Variants in TSPAN15 observed in about 807,000 individuals in gnomAD.
TSPAN15 encodes tetraspanin 15.
In TSPAN15, 20 loss-of-function variants were observed where a neutral mutation model predicts 34.5. The ratio of observed to expected loss-of-function variants is 0.58; its 90% confidence interval spans 0.41 to 0.84. The LOEUF is 0.84. TSPAN15 is among the 40% of genes least tolerant of loss of function. TSPAN15 has a pLI of 0.00. For synonymous variants in TSPAN15, 155 were observed against 153.9 expected (o/e 1.01, Z -0.05); for missense variants, 313 against 386.1 (o/e 0.81, Z 1.59).
the TSPAN15 span, among the ~76,000 whole-genome samples, chr10:69,548,260 G>A: frequency 6.6e-6 from 1 of 152,226 alleles, no homozygotes; most frequent in East Asian, 1.9e-4. Context: ...TGGTGTTGTA[G>A]CTAGATGATC....
At chr10:69,470,216 G>T (rs1841475336) in intron 1 of TSPAN15, among the ~76,000 whole-genome samples, 1 of 152,122 alleles carries the variant, frequency 6.6e-6, no homozygotes, top group Non-Finnish European at 1.5e-5. Flanking sequence ...TCCTGCAGGA[G>T]CATTTCACAG....
In TSPAN15 at chr10:69,451,687, C is replaced by G; in HGVS notation, c.93C>G (p.Phe31Leu). Residue 31 changes from phenylalanine (F) to leucine (L), a missense_variant, in exon 1 of 8, where the codon TTC becomes TTG. By Grantham distance (22) the Phe-to-Leu change is conservative (BLOSUM62 0). Coordinates refer to ENST00000373290, the MANE Select transcript of TSPAN15 (RefSeq NM_012339.5). ...CACTTATCATCTATTCCACCGTGTT[C>G]TGGGTGAGTGACCCCAGTAGGGCCC... ...KFSLIIYSTV[F>L]WLIGALVLSV... is the part of the protein sequence containing the mutation. The G allele has an allele frequency of 6.6e-7, 1 of 1,517,054 alleles. No individual in the cohort carries two copies. The highest frequency in any genetic ancestry group is 8.8e-7 in the Non-Finnish European group (1 of 1,130,136). 94.0% of individuals were successfully genotyped at this position (1,517,054 alleles called of 1,614,324 possible). A position where few individuals can be genotyped will look rare whatever the true frequency, so the allele number is the denominator to read the frequency against.
chr10:69,545,777 A>C, the TSPAN15 span, among the ~76,000 whole-genome samples: 1 of 152,062 alleles, frequency 6.6e-6, no homozygotes, highest in East Asian at 1.9e-4. Flanking sequence ...CAACATGGTG[A>C]AACCTCGTCT....
At chr10:69,465,760 G>C (rs1173518758) in intron 1 of TSPAN15, among the ~76,000 whole-genome samples, 1 of 152,196 alleles carries the variant, frequency 6.6e-6, no homozygotes, top group East Asian at 1.9e-4. Flanking sequence ...TTCTTTCTTG[G>C]AAGAACTTTT....
chr10:69,502,125 A>C (rs1188712033), intron 5 of TSPAN15, among the ~76,000 whole-genome samples: 2 of 151,408 alleles, frequency 1.3e-5, no homozygotes, highest in African/African-American at 4.8e-5. Context: ...GTTCAGCAGA[A>C]CATACCAGCA....
downstream of TSPAN15, among the ~76,000 whole-genome samples, chr10:69,507,974 C>G (rs567440304): frequency 2.6e-5 from 4 of 152,246 alleles, no homozygotes; most frequent in South Asian, 8.3e-4. Context: ...CTACCGCGCT[C>G]CCTGCAGCCC....
rs1383562883 is a variant in TSPAN15, at chr10:69,498,370, C to T, written c.544C>T (p.Pro182Ser). The T allele has an allele frequency of 6.2e-7, 1 of 1,613,736 alleles. No homozygotes were observed. Among genetic ancestry groups the T allele is most frequent in the East Asian group, 2.2e-5 (1 of 44,874 alleles). The change falls in exon 5 of 8, where the codon CCC (proline) becomes TCC (serine). Residue 182 changes from proline (P) to serine (S), a missense_variant. Coordinates refer to ENST00000373290, the MANE Select transcript of TSPAN15 (RefSeq NM_012339.5). ...CCCTGGACCCCTGGCCTGTGGGGTGCCCTACACCTGCTGCATCAGGAACAC... is the reference window on the plus strand; with the variant it reads ...CCCTGGACCCCTGGCCTGTGGGGTGTCCTACACCTGCTGCATCAGGAACAC... ...SAPGPLACGV[P>S]YTCCIRNTTE...
the TSPAN15 span, among the ~76,000 whole-genome samples, chr10:69,542,366 C>A: frequency 1.3e-5 from 2 of 152,212 alleles, no homozygotes; most frequent in East Asian, 1.9e-4. Flanking sequence ...TTCTTCTGAG[C>A]CTTCCAGACT....
chr10:69,459,990 G>T (rs1841212135), intron 1 of TSPAN15, among the ~76,000 whole-genome samples: 1 of 151,024 alleles, frequency 6.6e-6, no homozygotes, highest in South Asian at 2.1e-4. Context: ...TCACCTGGGA[G>T]CCTTGCATTG....
chr10:69,522,679 C>CTAT, the TSPAN15 span, among the ~76,000 whole-genome samples: 6 of 147,270 alleles, frequency 4.1e-5, no homozygotes, highest in African/African-American at 1.2e-4. Flanking sequence ...CTATTGTGAA[C>CTAT]TGTGCATTCA....
intron 5 of TSPAN15, among the ~76,000 whole-genome samples, chr10:69,501,829 TCAG>T (rs1360617381): frequency 2.0e-5 from 3 of 152,118 alleles, no homozygotes; most frequent in Non-Finnish European, 2.9e-5. Flanking sequence ...TCCTGTCACA[TCAG>T]CAGCAGCATT....
chr10:69,504,320 T>C, intron 5 of TSPAN15, 118 bp from the exon 6 acceptor site: 1 of 877,466 alleles, frequency 1.1e-6, no homozygotes, highest in Non-Finnish European at 1.7e-6. Flanking sequence ...CTCAGCTCCA[T>C]CCCTGCTGGA....
intron 1 of TSPAN15, among the ~76,000 whole-genome samples, chr10:69,469,391 C>A (rs888223557): frequency 1.3e-5 from 2 of 152,162 alleles, no homozygotes; most frequent in Non-Finnish European, 2.9e-5. Flanking sequence ...TGTGGGAACC[C>A]CTGACTTATA....
the TSPAN15 span, among the ~76,000 whole-genome samples, chr10:69,537,629 T>G: frequency 2.0e-4 from 30 of 152,342 alleles, no homozygotes; most frequent in South Asian, 3.5e-3. Flanking sequence ...ATTAGAGGCC[T>G]ATCCTGCTCC....
downstream of TSPAN15, among the ~76,000 whole-genome samples, chr10:69,511,857 G>A (rs1350086382): frequency 1.3e-5 from 2 of 151,344 alleles, no homozygotes; most frequent in Non-Finnish European, 2.9e-5. Flanking sequence ...ACCAAACACC[G>A]CATGTTCTCA....
At chr10:69,476,045 G>A (rs562079415) in intron 1 of TSPAN15, among the ~76,000 whole-genome samples, 11 of 152,084 alleles carry the variant, frequency 7.2e-5, no homozygotes, top group Admixed American at 5.2e-4. Context: ...CTCCCCAAAC[G>A]GATCTATAGA....
the TSPAN15 span, among the ~76,000 whole-genome samples, chr10:69,547,043 A>T: frequency 6.6e-6 from 1 of 152,046 alleles, no homozygotes; most frequent in Non-Finnish European, 1.5e-5. Context: ...CAAAATTAAA[A>T]ATATAAAAAT....
At chr10:69,461,830 G>C (rs1455752747) in intron 1 of TSPAN15, among the ~76,000 whole-genome samples, 3 of 152,130 alleles carry the variant, frequency 2.0e-5, no homozygotes, top group Admixed American at 1.3e-4. Context: ...CAAAAGACAG[G>C]AACTTCTTGG....
chr10:69,518,733 A>G, the TSPAN15 span, among the ~76,000 whole-genome samples: 1 of 152,162 alleles, frequency 6.6e-6, no homozygotes, highest in Non-Finnish European at 1.5e-5. Flanking sequence ...TAAACTCTTG[A>G]TTTTAAAAAG....
Sources: allele counts gnomAD v4.1 joint callset (sites outside exome capture counted in the v4.1 genomes callset), GRCh38; gene constraint gnomAD v4.1.1; transcripts MANE v1.5; gene names NCBI Gene and HGNC (gene_info 2026-07-23, HGNC 2026-07-21).